Variants in SGCD observed in about 807,000 individuals in gnomAD.
SGCD encodes the protein delta-sarcoglycan.
A neutral mutation model predicts 36.6 loss-of-function variants in SGCD; 18 were observed. The ratio of observed to expected loss-of-function variants is 0.49; its 90% CI spans 0.34 to 0.73. SGCD has a LOEUF of 0.73. Among genes scored for constraint, SGCD ranks in the 30% least tolerant of loss-of-function variants. The probability of loss-of-function intolerance (pLI) is 0.01; values close to 1 mark genes in which losing one functional copy is unlikely to be tolerated. For missense variants in SGCD, 387 were observed against 346.7 expected, an observed-to-expected ratio of 1.12 and a Z score of -0.92; for synonymous variants, 133 against 130.6, an observed-to-expected ratio of 1.02 and a Z score of -0.12.
chr5:155,942,214 A>G (rs1757339078), intron 1 of SGCD, among the ~76,000 whole-genome samples: 1 of 152,242 alleles, frequency 6.6e-6, no homozygotes, highest in African/African-American at 2.4e-5. Context: ...AGGAGAGTCA[A>G]TACTTGAAAG....
chr5:156,607,277 G>C (rs1561810595), intron 6 of SGCD, among the ~76,000 whole-genome samples: 1 of 152,140 alleles, frequency 6.6e-6, no homozygotes, highest in Admixed American at 6.6e-5. Context: ...TTTTGTCAAA[G>C]GCTTTTTCTG....
At chr5:156,048,229 G>A (rs926527498) in intron 1 of SGCD, among the ~76,000 whole-genome samples, 1 of 152,088 alleles carries the variant, frequency 6.6e-6, no homozygotes, top group Admixed American at 6.6e-5. Context: ...TCATTGTTGG[G>A]CATTTGGCTT....
intron 7 of SGCD, among the ~76,000 whole-genome samples, chr5:156,653,359 A>G (rs1036807763): frequency 4.0e-5 from 6 of 151,884 alleles, no homozygotes; most frequent in African/African-American, 1.5e-4. Context: ...CATTTCCTCT[A>G]GATTTCCTAG....
At chr5:155,824,930 A>T in the SGCD span, among the ~76,000 whole-genome samples, 5 of 152,300 alleles carry the variant, frequency 3.3e-5, no homozygotes, top group South Asian at 1.0e-3. Flanking sequence ...TAAATTAAAA[A>T]ATATATATAT....
At chr5:155,953,705 C>T (rs1757588966) in intron 1 of SGCD, among the ~76,000 whole-genome samples, 1 of 152,184 alleles carries the variant, frequency 6.6e-6, no homozygotes, top group South Asian at 2.1e-4. Flanking sequence ...AAATTAGGCA[C>T]TTAGTGAAAA....
At chr5:155,844,478 C>T in the SGCD span, among the ~76,000 whole-genome samples, 14 of 140,784 alleles carry the variant, frequency 9.9e-5, no homozygotes, top group South Asian at 9.4e-4. Context: ...CAGTTTATCA[C>T]GTTACAAGAA....
intron 3 of SGCD, among the ~76,000 whole-genome samples, chr5:156,127,401 C>T (rs1219163838): frequency 6.6e-6 from 1 of 151,944 alleles, no homozygotes; most frequent in African/African-American, 2.4e-5. Context: ...GTCAGGAGTT[C>T]AAGACCAGCC....
chr5:156,695,416 G>A (rs1415808927), intron 7 of SGCD, among the ~76,000 whole-genome samples: 1 of 151,936 alleles, frequency 6.6e-6, no homozygotes, highest in Non-Finnish European at 1.5e-5. Context: ...CTCCAGTCCT[G>A]CTGAGTTTGG....
At chr5:156,041,738 T>C (rs555196187) in intron 1 of SGCD, among the ~76,000 whole-genome samples, 7 of 152,252 alleles carry the variant, frequency 4.6e-5, no homozygotes, top group African/African-American at 1.7e-4. Context: ...AGGTTTCCTG[T>C]AAGGAAGATC....
chr5:155,894,714 C>G (rs757868587), intron 1 of SGCD, among the ~76,000 whole-genome samples: 1 of 152,096 alleles, frequency 6.6e-6, no homozygotes, highest in Non-Finnish European at 1.5e-5. Flanking sequence ...GTGCTCCTTA[C>G]GAGACTCTAA....
At chr5:155,952,940 A>G (rs903197217) in intron 1 of SGCD, among the ~76,000 whole-genome samples, 4 of 152,210 alleles carry the variant, frequency 2.6e-5, no homozygotes, top group African/African-American at 7.2e-5. Flanking sequence ...GAACTGCATC[A>G]TGTTATCATT....
intron 1 of SGCD, among the ~76,000 whole-genome samples, chr5:156,069,828 C>T (rs1054764920): frequency 6.6e-6 from 1 of 151,986 alleles, no homozygotes; most frequent in Non-Finnish European, 1.5e-5. Context: ...TGTAGCTCTC[C>T]TTGAAGATGT....
chr5:156,633,758 G>A (rs906396824), intron 6 of SGCD, among the ~76,000 whole-genome samples: 2 of 152,150 alleles, frequency 1.3e-5, no homozygotes, highest in Admixed American at 6.5e-5. Context: ...TTATCACTGG[G>A]TCGTTCAAGA....
At chr5:155,842,171 A>G in the SGCD span, among the ~76,000 whole-genome samples, 1 of 151,434 alleles carries the variant, frequency 6.6e-6, no homozygotes, top group Non-Finnish European at 1.5e-5. Context: ...GGATCTAGCT[A>G]TGCCTCTCTC....
intron 1 of SGCD, among the ~76,000 whole-genome samples, chr5:156,100,722 G>A (rs1761498756): frequency 6.6e-6 from 1 of 152,206 alleles, no homozygotes; most frequent in South Asian, 2.1e-4. Context: ...TGTAATGGGT[G>A]AAGGAAGATA....
At chr5:156,083,252 C>A (rs1761006327) in intron 1 of SGCD, among the ~76,000 whole-genome samples, 1 of 151,242 alleles carries the variant, frequency 6.6e-6, no homozygotes, top group Admixed American at 6.6e-5. Flanking sequence ...TTTCACAGAG[C>A]TGAAGTTTTA....
intron 7 of SGCD, among the ~76,000 whole-genome samples, chr5:156,738,115 C>T (rs1186414684): frequency 6.6e-6 from 1 of 152,144 alleles, no homozygotes. Context: ...ATTAGATGTT[C>T]TGAGAGCATT....
intron 1 of SGCD, among the ~76,000 whole-genome samples, chr5:155,974,443 A>G (rs1758068879): frequency 6.6e-6 from 1 of 152,062 alleles, no homozygotes; most frequent in Non-Finnish European, 1.5e-5. Context: ...GGTATCATGT[A>G]TCATGAGCCA....
intron 1 of SGCD, among the ~76,000 whole-genome samples, chr5:156,048,948 A>G (rs1759846160): frequency 6.6e-6 from 1 of 150,790 alleles, no homozygotes; most frequent in Admixed American, 6.6e-5. Context: ...TAAGGTTTTT[A>G]TGGTTTCAGG....
Sources: gnomAD v4.1 joint callset for allele counts (sites outside exome capture counted in the v4.1 genomes callset) on GRCh38, gnomAD v4.1.1 for gene constraint, MANE v1.5 for transcripts, NCBI Gene and HGNC (gene_info 2026-07-23, HGNC 2026-07-21) for gene names.